TEP1: variants seen among roughly 807,000 people sequenced by gnomAD.
TEP1 encodes the protein telomerase protein component 1.
Under a neutral mutation model 306.3 loss-of-function variants are expected in TEP1, and 241 were observed. The observed-to-expected ratio is 0.79, with a 90% confidence interval of 0.71 to 0.88. The LOEUF (loss-of-function observed/expected upper bound fraction) is 0.88, where lower values mean the gene tolerates loss of function less well. Among genes scored for constraint, TEP1 ranks in the 40% least tolerant of loss-of-function variants. TEP1 has a pLI of 0.00. For missense variants in TEP1, 3,051 were observed against 3,276.1 expected, an observed-to-expected ratio of 0.93 and a Z score of 1.68; for synonymous variants, 1,289 against 1,305.5, an observed-to-expected ratio of 0.99 and a Z score of 0.27.
chr14:20,394,102 C>G (rs1037297413), intron 12 of TEP1, among the ~76,000 whole-genome samples: 26 of 151,870 alleles, frequency 1.7e-4, no homozygotes, highest in Admixed American at 1.7e-3. Flanking sequence ...AAAAAAGGGA[C>G]AGGGTCTTCC....
intron 33 of TEP1, 128 bp downstream of exon 33, chr14:20,380,803 T>C (rs1885487216): frequency 1.2e-6 from 1 of 831,292 alleles, no homozygotes; most frequent in African/African-American, 1.7e-5. Flanking sequence ...CATTTTCAAC[T>C]CGAAATGGAA....
chr14:20,382,541 G>A (rs760840090), intron 28 of TEP1, 82 bp downstream of exon 28: 715 of 1,568,354 alleles, frequency 4.6e-4, no homozygotes, highest in Non-Finnish European at 5.8e-4. Context: ...GACAGCAAAG[G>A]ACGTGGGATA....
At chr14:20,396,521 C>T in intron 10 of TEP1, 100 bp downstream of exon 10, 2 of 947,748 alleles carry the variant, frequency 2.1e-6, no homozygotes, top group Non-Finnish European at 3.2e-6. Flanking sequence ...GCCGTACCTG[C>T]CTCTGCCCCC....
chr14:20,371,719 A>G (rs975697025), intron 49 of TEP1, 87 bp from the exon 50 acceptor site: 4 of 1,445,664 alleles, frequency 2.8e-6, no homozygotes, highest in Admixed American at 2.6e-5. Flanking sequence ...ATTCCTCAGG[A>G]ATGAAGTACA....
At position 20,377,344 on chromosome 14, in the gene TEP1, C is replaced by G. The variant is rs1885239245; in HGVS notation, c.6024G>C (p.Leu2008=). ...CTAGCACAGGCTTCTGGAATCTGGA[C>G]AGGAGCCAGAGGGACTGAAGGGAGC... The part of the protein sequence containing the change: ...KECSLQSLWL[L]SRFQKPVLGL... The change falls in exon 41 of 55, where the codon CTG becomes CTC. Residue 2008 remains leucine (L), a synonymous_variant. Transcript: ENST00000262715. 6.2e-7 allele frequency: 1 copy of G among 1,614,162 alleles called. No homozygotes were observed. The highest frequency in any genetic ancestry group is 8.5e-7 in the Non-Finnish European group (1 of 1,180,012).
At chr14:20,396,794 C>T in intron 9 of TEP1, 64 bp from the exon 10 acceptor site, 2 of 1,180,760 alleles carry the variant, frequency 1.7e-6, no homozygotes, top group Non-Finnish European at 2.4e-6. Flanking sequence ...TGGCATGCAC[C>T]TATAATCTCA....
intron 39 of TEP1, 63 bp downstream of exon 39, chr14:20,377,961 C>T: frequency 6.3e-7 from 1 of 1,584,648 alleles, no homozygotes; most frequent in Non-Finnish European, 8.6e-7. Context: ...CCACCCCCAC[C>T]AAGATATTCT....
intron 1 of TEP1, among the ~76,000 whole-genome samples, chr14:20,411,411 T>C (rs1328645674): frequency 2.0e-5 from 3 of 152,194 alleles, no homozygotes; most frequent in Non-Finnish European, 4.4e-5. Context: ...CAAATGCTAC[T>C]TTCCTCTCAC....
chr14:20,397,652 T>C (rs1878313605), intron 9 of TEP1, among the ~76,000 whole-genome samples: 1 of 152,222 alleles, frequency 6.6e-6, no homozygotes, highest in African/African-American at 2.4e-5. Context: ...TAAATATAGG[T>C]GAAAAAGATT....
chr14:20,396,189 C>T (rs114245100), intron 10 of TEP1, among the ~76,000 whole-genome samples: 68 of 152,318 alleles, frequency 4.5e-4, no homozygotes, highest in African/African-American at 1.6e-3. Flanking sequence ...TCCCTCTGGG[C>T]AGGGTGTGGT....
rs1878683634 is a variant in TEP1 at position 20,401,048 on chromosome 14, T to C, written c.1485A>G (p.Pro495=). 6.2e-7 allele frequency: 1 copy of C among 1,614,214 alleles called. No individual in the cohort carries two copies. Among genetic ancestry groups the C allele is most frequent in the East Asian group, 2.2e-5 (1 of 44,884 alleles). ...RAGKRMKLSR[P]ETWERELSLR... is the part of the protein sequence containing the mutation. Reference sequence around the variant, plus strand: ...GGCTCAGCTCCCGCTCCCAGGTCTCTGGCCTAGACAGCTTCATCCTCTTCC... The same window carrying C: ...GGCTCAGCTCCCGCTCCCAGGTCTCCGGCCTAGACAGCTTCATCCTCTTCC... Residue 495 remains proline, a synonymous_variant, in exon 9 of 55, where the codon CCA becomes CCG. Transcript: ENST00000262715.
At chr14:20,400,137 CAAAAAAAAAAAA>C (rs58121179) in intron 9 of TEP1, among the ~76,000 whole-genome samples, 23,341 of 81,922 alleles carry the variant, frequency 0.28, 2,980 homozygotes, top group East Asian at 0.48. Context: ...AACTCCGTCT[CAAAAAAAAAAAA>C]AAAAAAAAAA....
chr14:20,368,339 CA>C lies in TEP1; in HGVS notation c.*97del. 7.3e-7 allele frequency: 1 copy of C among 1,369,876 alleles called. No homozygotes were observed. The highest frequency in any genetic ancestry group is 9.8e-7 in the Non-Finnish European group (1 of 1,022,714). The allele number at this position is 1,369,876 out of a possible 1,614,324, so 84.9% of individuals were successfully genotyped here. ...TTTGACACTTCATTTTTATAATTAT[CA>C]AGAAATTATTAATTTTATAATTATT... is the stretch of plus-strand genomic sequence containing the variant. On this transcript the variant is annotated 3_prime_UTR_variant, in exon 55 of 55. Coordinates refer to ENST00000262715, the MANE Select transcript of TEP1 (RefSeq NM_007110.5).
intron 9 of TEP1, among the ~76,000 whole-genome samples, chr14:20,400,498 A>AAAAAAAAAAAAAAAAAAAAAAAC (rs1878601118): frequency 1.0e-4 from 2 of 19,644 alleles, no homozygotes; most frequent in Non-Finnish European, 1.7e-4. Flanking sequence ...AAAGTAGACC[A>AAAAAAAAAAAAAAAAAAAAAAAC]AAAAAAAAAA....
rs1555321440 is a variant in TEP1, at chr14:20,375,911, A to C, written c.6250-43T>G. ...AGAGGGAGCAATCAGGACCAAAGGA[A>C]GGATGGGAACCCCGGAGCCATTTCA... On this transcript the variant is annotated intron_variant, in intron 42 of 54. Transcript: ENST00000262715. The C allele has an allele frequency of 1.9e-6, 3 of 1,550,624 alleles. No homozygotes were observed. The South Asian group carries it at 3.4e-5, about 17-fold the overall frequency.
In TEP1 at chr14:20,377,273, G is replaced by A; in HGVS notation, c.6088+7C>T. Reference sequence around the variant, plus strand: ...ATTTGTTAACCCTGCCCACTGTCTAGTAGTACCTGAGGCAGAAGCCAAGAG... The same window carrying A: ...ATTTGTTAACCCTGCCCACTGTCTAATAGTACCTGAGGCAGAAGCCAAGAG... On this transcript the variant is annotated splice_region_variant and intron_variant, in intron 41 of 54. Transcript: ENST00000262715. The A allele has an allele frequency of 6.2e-7, 1 of 1,605,298 alleles. No homozygotes were observed. The highest frequency in any genetic ancestry group is 8.5e-7 in the Non-Finnish European group (1 of 1,173,208).
intron 1 of TEP1, among the ~76,000 whole-genome samples, chr14:20,409,423 C>T (rs970331137): frequency 1.3e-5 from 2 of 152,164 alleles, no homozygotes; most frequent in African/African-American, 2.4e-5. Context: ...TCTATGCTGG[C>T]GACTCACAGA....
At chr14:20,385,709 A>G (rs1877087257) in intron 20 of TEP1, among the ~76,000 whole-genome samples, 1 of 152,160 alleles carries the variant, frequency 6.6e-6, no homozygotes, top group African/African-American at 2.4e-5. Context: ...TAACCCTCCA[A>G]TGTCAATGTC....
At position 20,407,488 on chromosome 14, in the gene TEP1, G is replaced by A. The variant is rs1006861402; in HGVS notation, c.567+385C>T. Among the ~76,000 whole-genome samples, 10 of 152,210 alleles carry A rather than the reference G, an allele frequency of 6.6e-5. No individual in the cohort carries two copies. In the South Asian group the frequency reaches 1.4e-3, roughly 22 times the overall value. On this transcript the variant is annotated intron_variant, in intron 2 of 54. Transcript: ENST00000262715. ...CCCAAATAGCTGGGATTACAGATGCGTGCCACCACACCTGGCTAATTTTTG... is the reference window on the plus strand; with the variant it reads ...CCCAAATAGCTGGGATTACAGATGCATGCCACCACACCTGGCTAATTTTTG...
Sources: gnomAD v4.1 joint callset for allele counts (sites outside exome capture counted in the v4.1 genomes callset) on GRCh38, gnomAD v4.1.1 for gene constraint, MANE v1.5 for transcripts, NCBI Gene and HGNC (gene_info 2026-07-23, HGNC 2026-07-21) for gene names.